ANKS4B: variants seen among roughly 807,000 people sequenced by gnomAD.
ANKS4B encodes the protein ankyrin repeat and sterile alpha motif domain containing 4B.
Under a neutral mutation model 20.2 loss-of-function variants are expected in ANKS4B, and 21 were observed. That is an observed-to-expected ratio of 1.04 (90% confidence interval 0.74 to 1.50). ANKS4B has a LOEUF of 1.50. ANKS4B is among the 40% of genes most tolerant of loss of function. The pLI is 0.00. For missense variants in ANKS4B, 473 were observed against 494.6 expected (o/e 0.96, Z 0.41); for synonymous variants, 179 against 194.5 (o/e 0.92, Z 0.66).
Position 21,252,820 on chromosome 16 carries a change from T to G in ANKS4B, c.*2000T>G, listed in dbSNP as rs889837229. The G allele has an allele frequency of 5.3e-5, 8 of 152,248 alleles. No homozygotes were observed. The highest frequency in any genetic ancestry group is 1.9e-4 in the African/African-American group (8 of 41,528). 9.4% of individuals were successfully genotyped at this position (152,248 alleles called of 1,614,324 possible). On this transcript the variant is annotated 3_prime_UTR_variant, in exon 2 of 2. Coordinates refer to ENST00000311620, the MANE Select transcript of ANKS4B (RefSeq NM_145865.3). ...AGGCAGATCACCTGAGGTCAGGAGTTCAAGACCAGCCTGGCCAACATGGCG... is the reference window on the plus strand; with the variant it reads ...AGGCAGATCACCTGAGGTCAGGAGTGCAAGACCAGCCTGGCCAACATGGCG...
At chr16:21,248,700 C>T (rs1030781293) in intron 1 of ANKS4B, among the ~76,000 whole-genome samples, 2 of 152,010 alleles carry the variant, frequency 1.3e-5, no homozygotes, top group Non-Finnish European at 2.9e-5. Flanking sequence ...CACTGCACTC[C>T]AGCCTGGACG....
intron 1 of ANKS4B, chr16:21,238,866 G>A (rs574721724): frequency 3.3e-5 from 5 of 151,998 alleles, no homozygotes; most frequent in East Asian, 1.9e-4. Context: ...TTCTTCTCAC[G>A]GGATCTAGTA....
In ANKS4B at chr16:21,238,152, A is replaced by T. The variant is rs558543531; in HGVS notation, c.164+4251A>T. ...GCAACTGCACTCCAGCCTGGGCAAC[A>T]GAGTGAGACTCTGTCTCAAAAAACA... On this transcript the variant is annotated intron_variant, in intron 1 of 1. Coordinates refer to ENST00000311620, the MANE Select transcript of ANKS4B (RefSeq NM_145865.3). Among the ~76,000 whole-genome samples, 22 of 152,320 alleles carry T rather than the reference A, an allele frequency of 1.4e-4. No individual in the cohort carries two copies. The South Asian group carries it at 1.5e-3, about 10-fold the overall frequency.
chr16:21,250,411 C>T lies in ANKS4B; in HGVS notation c.845C>T (p.Ser282Leu), dbSNP rs757879437. The change falls in exon 2 of 2, where the codon TCG becomes TTG. Residue 282 changes from serine to leucine, a missense_variant. Coordinates refer to ENST00000311620, the MANE Select transcript of ANKS4B (RefSeq NM_145865.3). ...ATTGTTTTTAGAAGGAACAGGATAT[C>T]GAGTCCTGAAGACATCTCAGATAGC... The part of the protein sequence containing the change: ...GSIVFRRNRI[S>L]SPEDISDSKR... The T allele has an allele frequency of 9.9e-6, 16 of 1,614,118 alleles. No homozygotes were observed. The highest frequency in any genetic ancestry group is 3.3e-5 in the Admixed American group (2 of 60,010).
chr16:21,250,489 C>G lies in ANKS4B; in HGVS notation c.923C>G (p.Ala308Gly). ...LPSELLQRQG[A>G]SEADEGAADE... ...AGTGAATTGCTTCAAAGACAAGGAG[C>G]ATCAGAGGCTGATGAGGGTGCAGCT... is the stretch of plus-strand genomic sequence containing the variant. Residue 308 changes from alanine (A) to glycine (G), a missense_variant, in exon 2 of 2, where the codon GCA becomes GGA. By Grantham distance (60) the Ala-to-Gly change is moderately conservative. Transcript: ENST00000311620. 1 of 1,614,104 alleles carries G rather than the reference C, an allele frequency of 6.2e-7. No individual in the cohort carries two copies. The highest frequency in any genetic ancestry group is 8.5e-7 in the Non-Finnish European group (1 of 1,180,008).
Position 21,250,177 on chromosome 16 carries a change from C to T in ANKS4B, c.611C>T (p.Thr204Ile), listed in dbSNP as rs775191852. 17 of 1,614,062 alleles carry T rather than the reference C, an allele frequency of 1.1e-5. No individual in the cohort carries two copies. Among genetic ancestry groups the T allele is most frequent in the African/African-American group, 2.7e-5 (2 of 74,906 alleles). ...FGSLSKGIKDTFKIKFKKNKD... is the reference protein window; with the variant it reads ...FGSLSKGIKDIFKIKFKKNKD... ...TCACTATCTAAGGGCATTAAAGACA[C>T]TTTCAAGATCAAGTTCAAGAAGAAC... Residue 204 changes from threonine (T) to isoleucine (I), a missense_variant, in exon 2 of 2, where the codon ACT becomes ATT. Transcript: ENST00000311620.
chr16:21,245,945 ATTAAT>A (rs1406768535), intron 1 of ANKS4B, among the ~76,000 whole-genome samples: 1 of 152,360 alleles, frequency 6.6e-6, no homozygotes, highest in African/African-American at 2.4e-5. Flanking sequence ...CTTTATGTAG[ATTAAT>A]TTATTTAATT....
Position 21,233,723 on chromosome 16 carries a change from TG to T in ANKS4B, c.-13del. On this transcript the variant is annotated 5_prime_UTR_variant, in exon 1 of 2. Coordinates refer to ENST00000311620, the MANE Select transcript of ANKS4B (RefSeq NM_145865.3). ...CCTGGAGAGACATCTGGCCAAGTTC[TG>T]GTGAGCAGGAAAAATGTCTACTCGT... 6.2e-7 allele frequency: 1 copy of T among 1,612,208 alleles called. No individual in the cohort carries two copies. Among genetic ancestry groups the T allele is most frequent in the Non-Finnish European group, 8.5e-7 (1 of 1,179,110 alleles).
intron 1 of ANKS4B, among the ~76,000 whole-genome samples, chr16:21,242,725 C>T (rs1421113263): frequency 6.6e-6 from 1 of 152,186 alleles, no homozygotes; most frequent in African/African-American, 2.4e-5. Flanking sequence ...AATCAGTTGA[C>T]TATTCATGTT....
At position 21,250,557 on chromosome 16, in the gene ANKS4B, T is replaced by C. The variant is rs1426011493; in HGVS notation, c.991T>C (p.Trp331Arg). ...AAACGGCCTCAAAGATGATCTGCCG[T>C]GGGATGACGATGAAGTGGAGTGGGA... ...EENGLKDDLP[W>R]DDDEVEWEED... The change falls in exon 2 of 2, where the codon TGG (tryptophan) becomes CGG (arginine). Residue 331 changes from tryptophan to arginine, a missense_variant. Trp to Arg is a moderately radical substitution (Grantham distance 101, BLOSUM62 -3). Transcript: ENST00000311620. 3.7e-6 allele frequency: 6 copies of C among 1,614,020 alleles called. No homozygotes were observed. Among genetic ancestry groups the C allele is most frequent in the Non-Finnish European group, 5.1e-6 (6 of 1,179,996 alleles).
intron 1 of ANKS4B, among the ~76,000 whole-genome samples, chr16:21,235,287 G>C (rs571271650): frequency 4.5e-4 from 68 of 152,316 alleles, no homozygotes; most frequent in African/African-American, 1.6e-3. Flanking sequence ...TTGGCTAGAC[G>C]AAAGAGTGTT....
At chr16:21,242,659 T>C (rs1343050866) in intron 1 of ANKS4B, among the ~76,000 whole-genome samples, 1 of 152,216 alleles carries the variant, frequency 6.6e-6, no homozygotes, top group Non-Finnish European at 1.5e-5. Context: ...GGAGCCACCA[T>C]GTTTTCTTTA....
chr16:21,242,106 C>G (rs2093327215), intron 1 of ANKS4B, among the ~76,000 whole-genome samples: 1 of 152,134 alleles, frequency 6.6e-6, no homozygotes, highest in African/African-American at 2.4e-5. Context: ...GTACTTATTC[C>G]TCCTGTCTCA....
In ANKS4B at chr16:21,250,026, C is replaced by A. The variant is rs375334690; in HGVS notation, c.460C>A (p.Gln154Lys). ...RRQIKECERL[Q>K]EKHQNKMAHT... ...GCAGATCAAAGAGTGTGAGAGGCTC[C>A]AGGAGAAGCACCAAAATAAGATGGC... The change falls in exon 2 of 2, where the codon CAG becomes AAG. Residue 154 changes from glutamine (Q) to lysine (K), a missense_variant. Transcript: ENST00000311620. 2 of 1,614,022 alleles carry A rather than the reference C, an allele frequency of 1.2e-6. No individual in the cohort carries two copies. The highest frequency in any genetic ancestry group is 2.7e-5 in the African/African-American group (2 of 74,910).
chr16:21,240,319 G>A (rs951965775), intron 1 of ANKS4B, among the ~76,000 whole-genome samples: 1 of 151,152 alleles, frequency 6.6e-6, no homozygotes, highest in Non-Finnish European at 1.5e-5. Flanking sequence ...ATGGAGTCTC[G>A]CTTCTGTCGC....
chr16:21,239,348 G>A (rs2093323732), intron 1 of ANKS4B, among the ~76,000 whole-genome samples: 1 of 152,178 alleles, frequency 6.6e-6, no homozygotes, highest in African/African-American at 2.4e-5. Flanking sequence ...GCCGAGGCGG[G>A]TGGGTCATTT....
intron 1 of ANKS4B, among the ~76,000 whole-genome samples, chr16:21,234,866 C>A (rs1274092202): frequency 6.6e-6 from 1 of 152,026 alleles, no homozygotes; most frequent in African/African-American, 2.4e-5. Flanking sequence ...CATGTTTGCT[C>A]TGAGACAGGG....
chr16:21,236,537 GA>G, intron 1 of ANKS4B, among the ~76,000 whole-genome samples: 1 of 152,228 alleles, frequency 6.6e-6, no homozygotes, highest in South Asian at 2.1e-4. Context: ...TTGAAAGCCT[GA>G]AATATTCTCT....
chr16:21,245,126 T>TA (rs781068366), intron 1 of ANKS4B, among the ~76,000 whole-genome samples: 4 of 152,238 alleles, frequency 2.6e-5, no homozygotes, highest in Non-Finnish European at 4.4e-5. Flanking sequence ...AGCCAACACT[T>TA]AAAAATCACA....
Sources: allele counts gnomAD v4.1 joint callset (sites outside exome capture counted in the v4.1 genomes callset), GRCh38; gene constraint gnomAD v4.1.1; transcripts MANE v1.5; gene names NCBI Gene and HGNC (gene_info 2026-07-23, HGNC 2026-07-21).